Variants in NDUFS1 observed in about 807,000 individuals in gnomAD.
NDUFS1 encodes the protein NADH:ubiquinone oxidoreductase core subunit S1, also known as NADH-ubiquinone oxidoreductase 75 kDa subunit, mitochondrial.
A neutral mutation model predicts 84.4 loss-of-function variants in NDUFS1; 61 were observed. The observed-to-expected ratio is 0.72, with a 90% CI of 0.59 to 0.89. NDUFS1 has a LOEUF of 0.89. Among genes scored for constraint, NDUFS1 ranks in the 40% least tolerant of loss-of-function variants. NDUFS1 has a pLI of 0.00. For synonymous variants in NDUFS1, 275 were observed against 290.0 expected (o/e 0.95, Z 0.53); for missense variants, 891 against 890.0 (o/e 1.00, Z -0.01).
rs777108493 is a variant in NDUFS1, at chr2:206,144,880, T to C, written c.872+12A>G. The C allele has an allele frequency of 3.1e-6, 5 of 1,613,038 alleles. No homozygotes were observed. In the Admixed American group the frequency reaches 5.0e-5, roughly 16 times the overall value. ...AAACTGTAAAAGTTAAGGAAAACAA[T>C]ATAGCATATACCTGGTTTTATCAGA... On this transcript the variant is annotated intron_variant, in intron 9 of 18. Transcript: ENST00000233190.
At chr2:206,142,852 C>A (rs1216506454) in intron 10 of NDUFS1, 21 bp from the exon 11 acceptor site, 1 of 1,613,736 alleles carries the variant, frequency 6.2e-7, no homozygotes, top group African/African-American at 1.3e-5. Flanking sequence ...ATGAAAAGGG[C>A]ATCACCAAGA....
At chr2:206,127,267 C>T (rs1281104885) in intron 16 of NDUFS1, among the ~76,000 whole-genome samples, 1 of 152,216 alleles carries the variant, frequency 6.6e-6, no homozygotes, top group Admixed American at 6.5e-5. Context: ...GGTGCAGTGG[C>T]TCACACCTGT....
intron 9 of NDUFS1, 74 bp downstream of exon 9, chr2:206,144,818 A>G (rs1470028833): frequency 1.3e-6 from 2 of 1,488,688 alleles, no homozygotes; most frequent in Non-Finnish European, 9.2e-7. Context: ...AATATAAAAG[A>G]TAATTCTTCA....
intron 8 of NDUFS1, among the ~76,000 whole-genome samples, 191 bp downstream of exon 8, chr2:206,146,712 G>A (rs1692165670): frequency 6.6e-6 from 1 of 152,074 alleles, no homozygotes; most frequent in South Asian, 2.1e-4. Context: ...TAATTTCCAA[G>A]AAAACTACAG....
rs1691091164 is a variant in NDUFS1 at position 206,121,419 on chromosome 2, C to G, written c.*2766G>C. 1 of 152,132 alleles carries G rather than the reference C, an allele frequency of 6.6e-6. No homozygotes were observed. Among genetic ancestry groups the G allele is most frequent in the South Asian group, 2.1e-4 (1 of 4,826 alleles). 9.4% of individuals were successfully genotyped at this position (152,132 alleles called of 1,614,324 possible). ...ATATGTGCCCATGAGACAGACGGAG[C>G]ACTACTTATCCCAGAGGAGGTATTA... is the stretch of plus-strand genomic sequence containing the variant. On this transcript the variant is annotated 3_prime_UTR_variant, in exon 19 of 19. Transcript: ENST00000233190.
At chr2:206,152,592 C>T in intron 2 of NDUFS1, 82 bp from the exon 3 acceptor site, 1 of 1,222,848 alleles carries the variant, frequency 8.2e-7, no homozygotes, top group Non-Finnish European at 1.2e-6. Flanking sequence ...ACTCTAACTA[C>T]AAACCTAAAA....
chr2:206,158,824 CGTTA>C (rs775935044), intron 1 of NDUFS1, among the ~76,000 whole-genome samples: 3 of 152,102 alleles, frequency 2.0e-5, no homozygotes, highest in African/African-American at 7.2e-5. Flanking sequence ...CTCAATTTCC[CGTTA>C]GTTAAAGGAA....
At position 206,153,662 on chromosome 2, in the gene NDUFS1, A is replaced by C. The variant is rs1286653042; in HGVS notation, c.17T>G (p.Val6Gly). Residue 6 changes from valine (V) to glycine (G), a missense_variant, in exon 2 of 19, where the codon GTA (valine) becomes GGA (glycine). By Grantham distance (109) the Val-to-Gly change is moderately radical. Transcript: ENST00000233190. ...AGAAAGGCCTACTAAGGCCTTTCTT[A>C]CAGGTATCCTTAACATATTGCTAAA... is the stretch of plus-strand genomic sequence containing the variant. MLRIP[V>G]RKALVGLSKS... 2 of 1,530,874 alleles carry C rather than the reference A, an allele frequency of 1.3e-6. No homozygotes were observed. The highest frequency in any genetic ancestry group is 1.8e-6 in the Non-Finnish European group (2 of 1,109,586). The allele number at this position is 1,530,874 out of a possible 1,614,324, so 94.8% of individuals were successfully genotyped here.
intron 13 of NDUFS1, among the ~76,000 whole-genome samples, chr2:206,133,905 G>A (rs1691610205): frequency 6.6e-6 from 1 of 152,196 alleles, no homozygotes; most frequent in South Asian, 2.1e-4. Flanking sequence ...GCTTGAACCT[G>A]GGAGGCGGAG....
chr2:206,148,062 T>C, intron 5 of NDUFS1, among the ~76,000 whole-genome samples: 1 of 151,992 alleles, frequency 6.6e-6, no homozygotes, highest in East Asian at 1.9e-4. Context: ...GTATCTAGGA[T>C]TACAGATGCC....
Position 206,124,283 on chromosome 2 carries a change from G to T in NDUFS1, c.2093-7C>A, listed in dbSNP as rs187863072. ...GAGGCTCTGCTAATTGAATCTGAAA[G>T]ATATTAAGAAAATGTCATTTTGATA... On this transcript the variant is annotated splice_region_variant and splice_polypyrimidine_tract_variant and intron_variant, in intron 18 of 18. Coordinates refer to ENST00000233190, the MANE Select transcript of NDUFS1 (RefSeq NM_005006.7). 3.8e-6 allele frequency: 6 copies of T among 1,595,962 alleles called. No individual in the cohort carries two copies. Among genetic ancestry groups the T allele is most frequent in the Non-Finnish European group, 4.3e-6 (5 of 1,163,662 alleles).
At position 206,146,918 on chromosome 2, in the gene NDUFS1, C is replaced by G. The variant is rs17856901; in HGVS notation, c.722G>C (p.Arg241Pro). 6.2e-7 allele frequency: 1 copy of G among 1,613,720 alleles called. No homozygotes were observed. The highest frequency in any genetic ancestry group is 8.5e-7 in the Non-Finnish European group (1 of 1,179,858). ...TAAAAGATACCTTGTTTCCCAAGGCCGGGCAGTAAAGGCATAGGGCTTAGA... is the reference window on the plus strand; with the variant it reads ...TAAAAGATACCTTGTTTCCCAAGGCGGGGCAGTAAAGGCATAGGGCTTAGA... Reference protein sequence around the residue: ...LTSKPYAFTARPWETRKTESI... With the variant: ...LTSKPYAFTAPPWETRKTESI... Residue 241 changes from arginine to proline, a missense_variant, in exon 8 of 19, where the codon CGG becomes CCG. Transcript: ENST00000233190.
In NDUFS1 at chr2:206,148,164, ATCCTCCCGC is replaced by A. The variant is rs562278411; in HGVS notation, c.339-339_339-331del. ...GGTCTCGAACTCCTGACCTCAAGTGATCCTCCCGCCCTGGCGTCCCAAAGTGCTAGAATT... is the reference window on the plus strand; with the variant it reads ...GGTCTCGAACTCCTGACCTCAAGTGACCTGGCGTCCCAAAGTGCTAGAATT... On this transcript the variant is annotated intron_variant, in intron 5 of 18. Coordinates refer to ENST00000233190, the MANE Select transcript of NDUFS1 (RefSeq NM_005006.7). Among the ~76,000 whole-genome samples, 40 of 152,072 alleles carry A rather than the reference ATCCTCCCGC, an allele frequency of 2.6e-4. No individual in the cohort carries two copies. The South Asian group carries it at 8.1e-3, about 31-fold the overall frequency.
intron 1 of NDUFS1, among the ~76,000 whole-genome samples, chr2:206,158,525 T>A (rs973194161): frequency 1.3e-5 from 2 of 152,258 alleles, no homozygotes; most frequent in African/African-American, 4.8e-5. Flanking sequence ...GTGAACTGAA[T>A]CTCTAATTTC....
At chr2:206,155,850 G>A (rs928095800) in intron 1 of NDUFS1, among the ~76,000 whole-genome samples, 45 of 151,346 alleles carry the variant, frequency 3.0e-4, no homozygotes, top group African/African-American at 9.9e-4. Context: ...CACCACGCCC[G>A]GCCAAGTCAC....
intron 3 of NDUFS1, among the ~76,000 whole-genome samples, chr2:206,151,416 C>A (rs1011784354): frequency 2.6e-5 from 4 of 152,198 alleles, no homozygotes; most frequent in Non-Finnish European, 5.9e-5. Context: ...TATGAACACA[C>A]CTGTTCATCC....
chr2:206,158,359 T>C (rs1247733461), intron 1 of NDUFS1, among the ~76,000 whole-genome samples: 3 of 152,216 alleles, frequency 2.0e-5, no homozygotes, highest in African/African-American at 7.2e-5. Context: ...TGCTCTTCCC[T>C]GGCCCCTCCT....
chr2:206,141,458 G>C (rs546474132), intron 12 of NDUFS1, among the ~76,000 whole-genome samples: 344 of 151,926 alleles, frequency 2.3e-3, no homozygotes, highest in African/African-American at 8.1e-3. Flanking sequence ...CGTGAACCCG[G>C]GAGGCGGAGC....
chr2:206,142,204 A>G (rs979411215), intron 11 of NDUFS1, 135 bp from the exon 12 acceptor site: 2 of 762,356 alleles, frequency 2.6e-6, no homozygotes, highest in Admixed American at 4.8e-5. Context: ...AAATTAAATG[A>G]ACATTTCAGA....
Sources: gnomAD v4.1 joint callset for allele counts (sites outside exome capture counted in the v4.1 genomes callset) on GRCh38, gnomAD v4.1.1 for gene constraint, MANE v1.5 for transcripts, NCBI Gene and HGNC (gene_info 2026-07-23, HGNC 2026-07-21) for gene names.